Variants in CADM2 observed in about 807,000 individuals in gnomAD.
CADM2 encodes cell adhesion molecule 2, also known as immunoglobulin superfamily member 4D.
In CADM2, 12 loss-of-function variants were observed where a neutral mutation model predicts 49.8. The ratio of observed to expected loss-of-function variants is 0.24; its 90% CI spans 0.15 to 0.39. CADM2 has a LOEUF of 0.39. Among genes scored for constraint, CADM2 ranks in the 10% least tolerant of loss-of-function variants. The probability of loss-of-function intolerance (pLI) is 1.00; values close to 1 mark genes in which losing one functional copy is unlikely to be tolerated. For synonymous variants in CADM2, 214 were observed against 175.4 expected (o/e 1.22, Z -1.74); for missense variants, 378 against 492.3 (o/e 0.77, Z 2.20).
intron 8 of CADM2, among the ~76,000 whole-genome samples, chr3:86,031,699 A>G (rs1192014818): frequency 6.6e-6 from 1 of 151,828 alleles, no homozygotes; most frequent in East Asian, 1.9e-4. Flanking sequence ...ATGAAAGGCA[A>G]TTACATTGCT....
chr3:85,020,755 TG>T (rs2034464688), intron 1 of CADM2, among the ~76,000 whole-genome samples: 5 of 151,576 alleles, frequency 3.3e-5, no homozygotes, highest in Non-Finnish European at 7.4e-5. Flanking sequence ...GGTGTGTGTG[TG>T]TGTGTGTATG....
chr3:85,930,254 C>A (rs1414478492), intron 6 of CADM2, among the ~76,000 whole-genome samples: 1 of 152,064 alleles, frequency 6.6e-6, no homozygotes, highest in Admixed American at 6.5e-5. Flanking sequence ...ATATCCAATG[C>A]AGATTATTTG....
intron 1 of CADM2, among the ~76,000 whole-genome samples, chr3:85,010,318 A>G (rs114631537): frequency 0.014 from 2,058 of 152,300 alleles, 26 homozygotes; most frequent in Non-Finnish European, 0.022. Context: ...CAAGACAAGA[A>G]AACTGAAACC....
At chr3:85,341,049 A>G (rs2045226768) in intron 1 of CADM2, among the ~76,000 whole-genome samples, 1 of 151,662 alleles carries the variant, frequency 6.6e-6, no homozygotes. Context: ...GGCCTCCCTG[A>G]ACTCTGAATT....
At chr3:85,643,965 A>T (rs947231000) in intron 1 of CADM2, among the ~76,000 whole-genome samples, 1 of 152,172 alleles carries the variant, frequency 6.6e-6, no homozygotes. Flanking sequence ...CAATTCCTGG[A>T]TATAAAAAAG....
intron 1 of CADM2, among the ~76,000 whole-genome samples, chr3:85,142,037 C>T (rs1355970375): frequency 6.6e-6 from 1 of 152,204 alleles, no homozygotes; most frequent in Non-Finnish European, 1.5e-5. Context: ...TCAGTTTATC[C>T]ACATTTATTA....
intron 1 of CADM2, among the ~76,000 whole-genome samples, chr3:85,298,360 C>G (rs541866795): frequency 3.3e-5 from 5 of 152,180 alleles, no homozygotes; most frequent in African/African-American, 1.2e-4. Context: ...CACAGAGAAC[C>G]CTTCTTCCTC....
At position 85,244,531 on chromosome 3, in the gene CADM2, A is replaced by G. The variant is rs142773212; in HGVS notation, c.61+284863A>G. Among the ~76,000 whole-genome samples the G allele has an allele frequency of 9.3e-3, 1,416 of 152,316 alleles. 21 individuals carry two copies. Among genetic ancestry groups the G allele is most frequent in the African/African-American group, 0.032 (1,350 of 41,590 alleles). Reference sequence around the variant, plus strand: ...AAGTAATGTGAAAAACAGTTTCTGCAGAAATACCTTTAGTTATGTTTATAA... The same window carrying G: ...AAGTAATGTGAAAAACAGTTTCTGCGGAAATACCTTTAGTTATGTTTATAA... On this transcript the variant is annotated intron_variant, in intron 1 of 9. Transcript: ENST00000383699.
chr3:85,652,793 T>TTTTTTTTTTTTTTTTTTTG (rs2065088419), intron 1 of CADM2, among the ~76,000 whole-genome samples: 1 of 140,408 alleles, frequency 7.1e-6, no homozygotes. Flanking sequence ...TTTTTTTTTT[T>TTTTTTTTTTTTTTTTTTTG]TTTAGACAGA....
At chr3:85,100,694 G>T (rs900437801) in intron 1 of CADM2, among the ~76,000 whole-genome samples, 1 of 152,148 alleles carries the variant, frequency 6.6e-6, no homozygotes, top group African/African-American at 2.4e-5. Context: ...ACACACTTTG[G>T]AATGGAGCCC....
intron 1 of CADM2, among the ~76,000 whole-genome samples, chr3:85,471,632 T>C (rs2038769719): frequency 6.6e-6 from 1 of 151,972 alleles, no homozygotes. Flanking sequence ...AAAAATTCCA[T>C]AGTTAATTTA....
chr3:85,601,124 A>ATATGTGTG (rs1553748284), intron 1 of CADM2, among the ~76,000 whole-genome samples: 2 of 61,650 alleles, frequency 3.2e-5, no homozygotes, highest in East Asian at 1.2e-3. Context: ...GCATTTATAT[A>ATATGTGTG]TGTGTGTATA....
intron 1 of CADM2, among the ~76,000 whole-genome samples, chr3:85,325,356 A>C (rs956516811): frequency 2.0e-5 from 3 of 152,208 alleles, no homozygotes; most frequent in African/African-American, 7.2e-5. Flanking sequence ...ATCTTGAGTA[A>C]AATTTAATTT....
intron 8 of CADM2, among the ~76,000 whole-genome samples, chr3:85,982,596 A>G (rs1379670677): frequency 6.6e-6 from 1 of 151,720 alleles, no homozygotes; most frequent in African/African-American, 2.4e-5. Flanking sequence ...CACCTGCATC[A>G]TTAATATTCT....
At chr3:85,717,050 G>A (rs946972735) in intron 1 of CADM2, among the ~76,000 whole-genome samples, 5 of 152,200 alleles carry the variant, frequency 3.3e-5, no homozygotes, top group Non-Finnish European at 5.9e-5. Context: ...GTTGTAGCTT[G>A]ATGGGAATAG....
intron 1 of CADM2, among the ~76,000 whole-genome samples, chr3:85,192,085 TAATA>T (rs2041222901): frequency 6.6e-6 from 1 of 151,822 alleles, no homozygotes; most frequent in South Asian, 2.1e-4. Context: ...TGACAACTTA[TAATA>T]AATCATTCAT....
intron 1 of CADM2, among the ~76,000 whole-genome samples, chr3:85,169,272 G>A (rs2040556724): frequency 6.6e-6 from 1 of 152,112 alleles, no homozygotes; most frequent in African/African-American, 2.4e-5. Flanking sequence ...GGGATTACAG[G>A]CATGAGCCAC....
chr3:85,329,388 C>G (rs1164093012), intron 1 of CADM2, among the ~76,000 whole-genome samples: 4 of 133,522 alleles, frequency 3.0e-5, no homozygotes, highest in African/African-American at 1.3e-4. Context: ...CATACACACA[C>G]ACAGACACAC....
At chr3:85,371,388 C>T (rs183411939) in intron 1 of CADM2, among the ~76,000 whole-genome samples, 1 of 151,974 alleles carries the variant, frequency 6.6e-6, no homozygotes, top group Non-Finnish European at 1.5e-5. Flanking sequence ...TGTTTAGATA[C>T]ACAAATACCA....
Sources: gnomAD v4.1 joint callset for allele counts (sites outside exome capture counted in the v4.1 genomes callset) on GRCh38, gnomAD v4.1.1 for gene constraint, MANE v1.5 for transcripts, NCBI Gene and HGNC (gene_info 2026-07-23, HGNC 2026-07-21) for gene names.